The following ZNF385D variants were observed in gnomAD, a reference collection of about 807,000 sequenced individuals.
ZNF385D encodes zinc finger protein 385D.
In ZNF385D, 15 loss-of-function variants were observed where a neutral mutation model predicts 35.8. That is an observed-to-expected ratio of 0.42 (90% CI 0.28 to 0.64). The LOEUF is 0.64. Ranked by LOEUF, ZNF385D falls within the 30% of genes least tolerant of loss-of-function variation. The pLI is 0.23. For synonymous variants in ZNF385D, 212 were observed against 186.8 expected, an observed-to-expected ratio of 1.13 and a Z score of -1.10; for missense variants, 474 against 494.6, an observed-to-expected ratio of 0.96 and a Z score of 0.39.
intron 2 of ZNF385D, among the ~76,000 whole-genome samples, chr3:22,261,588 T>C (rs1350547738): frequency 6.6e-6 from 1 of 151,994 alleles, no homozygotes; most frequent in African/African-American, 2.4e-5. Flanking sequence ...CCTAGCCTTA[T>C]GGTCTTCTTC....
chr3:21,683,322 G>A (rs1347102833), intron 1 of ZNF385D, among the ~76,000 whole-genome samples: 2 of 149,582 alleles, frequency 1.3e-5, no homozygotes, highest in Non-Finnish European at 3.0e-5. Context: ...TAGGTTATGC[G>A]ACGTGATACA....
chr3:22,135,747 T>G (rs1420784250), intron 3 of ZNF385D, among the ~76,000 whole-genome samples: 7 of 152,220 alleles, frequency 4.6e-5, no homozygotes, highest in Non-Finnish European at 7.3e-5. Flanking sequence ...AGAACTACAG[T>G]AATTGGCCAT....
At chr3:22,342,659 CAG>C (rs1458274223) in intron 2 of ZNF385D, among the ~76,000 whole-genome samples, 14 of 152,264 alleles carry the variant, frequency 9.2e-5, no homozygotes, top group African/African-American at 3.4e-4. Flanking sequence ...AAAAGGAAAA[CAG>C]AAGCAGTGCT....
At chr3:21,625,007 C>T (rs1385730470) in intron 2 of ZNF385D, among the ~76,000 whole-genome samples, 2 of 152,072 alleles carry the variant, frequency 1.3e-5, no homozygotes, top group Admixed American at 6.6e-5. Flanking sequence ...TATAAATATT[C>T]TCATAATATA....
At chr3:21,926,020 G>A (rs1008108434) in intron 3 of ZNF385D, among the ~76,000 whole-genome samples, 1 of 152,128 alleles carries the variant, frequency 6.6e-6, no homozygotes, top group Non-Finnish European at 1.5e-5. Context: ...TCACTTATAC[G>A]TGGATAGTCG....
intron 1 of ZNF385D, among the ~76,000 whole-genome samples, chr3:21,689,344 A>G (rs1454599798): frequency 6.6e-6 from 1 of 152,082 alleles, no homozygotes; most frequent in Non-Finnish European, 1.5e-5. Flanking sequence ...GTTGCGGGGC[A>G]GCATAAGCTC....
chr3:22,257,768 C>G (rs1175789014), intron 2 of ZNF385D, among the ~76,000 whole-genome samples: 1 of 151,806 alleles, frequency 6.6e-6, no homozygotes, highest in Non-Finnish European at 1.5e-5. Flanking sequence ...TAGGGTAAAA[C>G]TGTTGTTACA....
chr3:21,998,972 T>C (rs1695665371), intron 3 of ZNF385D, among the ~76,000 whole-genome samples: 1 of 152,200 alleles, frequency 6.6e-6, no homozygotes, highest in African/African-American at 2.4e-5. Flanking sequence ...AAAGAGGTTA[T>C]CAATTACTGG....
chr3:21,960,103 G>A (rs1702503286), intron 3 of ZNF385D, among the ~76,000 whole-genome samples: 1 of 146,386 alleles, frequency 6.8e-6, no homozygotes, highest in Non-Finnish European at 1.5e-5. Flanking sequence ...AAAAAGTGAT[G>A]AAAAAAAATC....
intron 3 of ZNF385D, among the ~76,000 whole-genome samples, chr3:21,827,515 C>A (rs552064278): frequency 1.9e-3 from 286 of 152,274 alleles, no homozygotes; most frequent in Middle Eastern, 3.4e-3. Flanking sequence ...TTTAAGTTTA[C>A]TTATACGTCA....
intron 3 of ZNF385D, among the ~76,000 whole-genome samples, chr3:21,762,974 A>G (rs1311314416): frequency 6.6e-6 from 1 of 152,154 alleles, no homozygotes. Flanking sequence ...AACATCCTGC[A>G]TGCTAATCTC....
At chr3:21,970,237 G>A (rs1703163125) in intron 3 of ZNF385D, among the ~76,000 whole-genome samples, 1 of 152,136 alleles carries the variant, frequency 6.6e-6, no homozygotes, top group Non-Finnish European at 1.5e-5. Flanking sequence ...AGGCATGAGT[G>A]ACCAAACCCA....
chr3:21,612,947 A>T (rs143394011), intron 2 of ZNF385D, among the ~76,000 whole-genome samples: 107 of 152,056 alleles, frequency 7.0e-4, no homozygotes, highest in Non-Finnish European at 1.3e-3. Context: ...GCTTTGAATA[A>T]TGGTCAAAAA....
At chr3:21,655,953 C>T (rs989304870) in intron 2 of ZNF385D, among the ~76,000 whole-genome samples, 1 of 151,922 alleles carries the variant, frequency 6.6e-6, no homozygotes, top group African/African-American at 2.4e-5. Flanking sequence ...CAGTCTTTGT[C>T]ACTTAGTTGA....
intron 3 of ZNF385D, among the ~76,000 whole-genome samples, chr3:22,033,760 C>T (rs1381950612): frequency 1.3e-5 from 2 of 152,088 alleles, no homozygotes; most frequent in Non-Finnish European, 1.5e-5. Flanking sequence ...TTCCATAGAA[C>T]CCCTTATTTG....
chr3:21,753,173 A>G (rs2125563055), upstream of ZNF385D, among the ~76,000 whole-genome samples: 1 of 152,356 alleles, frequency 6.6e-6, no homozygotes, highest in South Asian at 2.1e-4. Context: ...AGAAAGGTGG[A>G]TATTACAGAT....
intron 3 of ZNF385D, among the ~76,000 whole-genome samples, chr3:22,039,032 C>T (rs1311700344): frequency 6.6e-6 from 1 of 151,308 alleles, no homozygotes. Context: ...ATGTAGTGAT[C>T]TGAAGAAGCT....
chr3:21,576,240 A>G (rs1264040418), intron 2 of ZNF385D, among the ~76,000 whole-genome samples: 1 of 152,206 alleles, frequency 6.6e-6, no homozygotes, highest in African/African-American at 2.4e-5. Flanking sequence ...TTGAGGAACT[A>G]AGGAGGAGCT....
chr3:22,136,327 G>A (rs968989383), intron 3 of ZNF385D, among the ~76,000 whole-genome samples: 1 of 152,036 alleles, frequency 6.6e-6, no homozygotes, highest in African/African-American at 2.4e-5. Flanking sequence ...GGCAGAGGTT[G>A]CACTGAGCCA....
Sources: allele counts gnomAD v4.1 joint callset (sites outside exome capture counted in the v4.1 genomes callset), GRCh38; gene constraint gnomAD v4.1.1; transcripts MANE v1.5; gene names NCBI Gene and HGNC (gene_info 2026-07-23, HGNC 2026-07-21).